The following PCDH9 variants were observed in gnomAD, a reference collection of about 807,000 sequenced individuals.
PCDH9 encodes protocadherin-9.
PCDH9 carries 24 observed loss-of-function variants against 70.6 expected under a neutral mutation model. The observed-to-expected ratio is 0.34, with a 90% confidence interval of 0.25 to 0.48. The LOEUF is 0.48. Ranked by LOEUF, PCDH9 falls within the 20% of genes least tolerant of loss-of-function variation. PCDH9 has a pLI of 0.99. For missense variants in PCDH9, 1,281 were observed against 1,503.6 expected (o/e 0.85, Z 2.45); for synonymous variants, 562 against 558.5 (o/e 1.01, Z -0.09).
At chr13:66,983,553 G>C (rs1445660805) in intron 2 of PCDH9, among the ~76,000 whole-genome samples, 1 of 152,198 alleles carries the variant, frequency 6.6e-6, no homozygotes, top group African/African-American at 2.4e-5. Flanking sequence ...ATTGGGAACT[G>C]ATTATGTTCT....
intron 3 of PCDH9, among the ~76,000 whole-genome samples, chr13:66,888,596 A>G (rs1391038075): frequency 6.6e-6 from 1 of 152,078 alleles, no homozygotes; most frequent in African/African-American, 2.4e-5. Flanking sequence ...GAAAATGGGC[A>G]GGTAAATCAC....
chr13:66,574,036 A>G (rs753911965), intron 4 of PCDH9, among the ~76,000 whole-genome samples: 2 of 152,170 alleles, frequency 1.3e-5, no homozygotes, highest in Non-Finnish European at 2.9e-5. Context: ...GAAATCACCT[A>G]GGAAAACACC....
At chr13:67,181,678 C>A (rs561727282) in intron 2 of PCDH9, among the ~76,000 whole-genome samples, 39 of 152,122 alleles carry the variant, frequency 2.6e-4, no homozygotes, top group African/African-American at 8.9e-4. Context: ...GTAAGTGAAT[C>A]TTGGAAAGAA....
At chr13:67,006,317 TG>T (rs1354505105) in intron 2 of PCDH9, among the ~76,000 whole-genome samples, 9 of 152,042 alleles carry the variant, frequency 5.9e-5, no homozygotes, top group Admixed American at 5.2e-4. Context: ...ATTTGAAACA[TG>T]GAGGATAGAT....
At chr13:66,718,774 T>C (rs1261245552) in intron 3 of PCDH9, among the ~76,000 whole-genome samples, 2 of 152,218 alleles carry the variant, frequency 1.3e-5, no homozygotes, top group Non-Finnish European at 2.9e-5. Context: ...ACACTTCCTA[T>C]GGTGATGGAA....
intron 3 of PCDH9, among the ~76,000 whole-genome samples, chr13:66,661,999 T>G (rs2078015341): frequency 6.6e-6 from 1 of 152,052 alleles, no homozygotes; most frequent in Non-Finnish European, 1.5e-5. Flanking sequence ...GTGTTACATT[T>G]GTTTAAAGCT....
chr13:66,322,763 A>G (rs1955777679), intron 4 of PCDH9, among the ~76,000 whole-genome samples: 1 of 152,034 alleles, frequency 6.6e-6, no homozygotes, highest in African/African-American at 2.4e-5. Flanking sequence ...TATAATTAGT[A>G]TTTATTGGAC....
chr13:66,760,038 T>C (rs944725535), intron 3 of PCDH9, among the ~76,000 whole-genome samples: 1 of 152,142 alleles, frequency 6.6e-6, no homozygotes, highest in African/African-American at 2.4e-5. Context: ...GTGGTGGTGA[T>C]GAACTTCCTA....
At chr13:66,504,976 G>T (rs1174869547) in intron 4 of PCDH9, among the ~76,000 whole-genome samples, 1 of 151,942 alleles carries the variant, frequency 6.6e-6, no homozygotes, top group African/African-American at 2.4e-5. Context: ...TGGCTTCCAG[G>T]TATATCTCAG....
intron 2 of PCDH9, among the ~76,000 whole-genome samples, chr13:67,008,275 C>T (rs2084390473): frequency 6.6e-6 from 1 of 152,070 alleles, no homozygotes; most frequent in Non-Finnish European, 1.5e-5. Context: ...AGTGGAATTT[C>T]TTCTAAGTAC....
intron 4 of PCDH9, among the ~76,000 whole-genome samples, chr13:66,531,913 C>T (rs1338185049): frequency 6.6e-6 from 1 of 152,084 alleles, no homozygotes; most frequent in Non-Finnish European, 1.5e-5. Flanking sequence ...ATTTTCTCTC[C>T]TATAAAATGA....
intron 4 of PCDH9, among the ~76,000 whole-genome samples, chr13:66,496,031 T>C (rs903734734): frequency 6.6e-6 from 1 of 152,236 alleles, no homozygotes; most frequent in Non-Finnish European, 1.5e-5. Flanking sequence ...TAGCAATACT[T>C]ATAAAATTTT....
chr13:66,362,098 G>T (rs1956480618), intron 4 of PCDH9, among the ~76,000 whole-genome samples: 3 of 152,076 alleles, frequency 2.0e-5, no homozygotes, highest in Non-Finnish European at 4.4e-5. Flanking sequence ...GATATCTAGA[G>T]CACTGAATAT....
At chr13:67,082,448 C>T (rs565278975) in intron 2 of PCDH9, among the ~76,000 whole-genome samples, 10 of 152,268 alleles carry the variant, frequency 6.6e-5, no homozygotes, top group African/African-American at 2.2e-4. Flanking sequence ...GAATAATATG[C>T]CATTGTATGT....
intron 2 of PCDH9, among the ~76,000 whole-genome samples, chr13:66,952,792 G>A (rs1319530967): frequency 6.6e-6 from 1 of 152,022 alleles, no homozygotes; most frequent in Non-Finnish European, 1.5e-5. Flanking sequence ...CACCTAGACA[G>A]CAGGGGCACG....
At chr13:67,035,449 C>T (rs1008787394) in intron 2 of PCDH9, among the ~76,000 whole-genome samples, 1 of 151,960 alleles carries the variant, frequency 6.6e-6, no homozygotes, top group African/African-American at 2.4e-5. Context: ...TGAACACTTA[C>T]AGCTGTTCAT....
chr13:66,309,752 T>C (rs1566232107), intron 4 of PCDH9, among the ~76,000 whole-genome samples: 2 of 151,854 alleles, frequency 1.3e-5, no homozygotes, highest in Non-Finnish European at 2.9e-5. Flanking sequence ...ACATTCATCA[T>C]ATGTATCATT....
At chr13:66,916,276 A>T (rs1251579307) in intron 2 of PCDH9, among the ~76,000 whole-genome samples, 1 of 151,644 alleles carries the variant, frequency 6.6e-6, no homozygotes, top group Non-Finnish European at 1.5e-5. Context: ...CAATTCACCC[A>T]GATCACTACT....
intron 4 of PCDH9, among the ~76,000 whole-genome samples, chr13:66,610,213 TAGAA>T (rs2077276252): frequency 1.3e-5 from 2 of 151,780 alleles, no homozygotes; most frequent in Non-Finnish European, 2.9e-5. Context: ...ATTATTATCT[TAGAA>T]AGAGAGAGAA....
Sources: gnomAD v4.1 joint callset for allele counts (sites outside exome capture counted in the v4.1 genomes callset) on GRCh38, gnomAD v4.1.1 for gene constraint, MANE v1.5 for transcripts, NCBI Gene and HGNC (gene_info 2026-07-23, HGNC 2026-07-21) for gene names.